PCDH10: variants seen among roughly 807,000 people sequenced by gnomAD.
PCDH10 encodes the protein protocadherin 10.
A neutral mutation model predicts 74.4 loss-of-function variants in PCDH10; 15 were observed. The observed-to-expected ratio is 0.20, with a 90% CI of 0.13 to 0.31. The LOEUF (loss-of-function observed/expected upper bound fraction) is 0.31, where lower values mean the gene tolerates loss of function less well. Among genes scored for constraint, PCDH10 ranks in the 10% least tolerant of loss-of-function variants. The pLI is 1.00. For missense variants in PCDH10, 1,260 were observed against 1,390.2 expected (o/e 0.91, Z 1.49); for synonymous variants, 619 against 589.8 (o/e 1.05, Z -0.72).
At position 133,151,502 on chromosome 4, in the gene PCDH10, G is replaced by C. The variant is rs753783129; in HGVS notation, c.1362G>C (p.Ser454=). The C allele has an allele frequency of 1.2e-6, 2 of 1,613,968 alleles. No homozygotes were observed. The highest frequency in any genetic ancestry group is 3.3e-5 in the Admixed American group (2 of 60,002). Residue 454 remains serine (S), a synonymous_variant, in exon 1 of 5, where the codon TCG becomes TCC. Transcript: ENST00000264360. ...STSKSIQVQV[S]DVNDNAPRFS... ...GTAAGTCGATCCAGGTACAAGTGTCGGATGTGAACGACAACGCGCCGCGTT... is the reference window on the plus strand; with the variant it reads ...GTAAGTCGATCCAGGTACAAGTGTCCGATGTGAACGACAACGCGCCGCGTT...
intron 4 of PCDH10, among the ~76,000 whole-genome samples, chr4:133,188,665 GTTTTTTTTTTTT>G (rs1167321577): frequency 1.3e-5 from 1 of 74,664 alleles, no homozygotes; most frequent in Non-Finnish European, 2.4e-5. Flanking sequence ...ACTGCTATGG[GTTTTTTTTTTTT>G]TTTTTTTTTT....
chr4:133,150,680 C>T lies in PCDH10; in HGVS notation c.540C>T (p.Phe180=), dbSNP rs1482690505. ...DVQTQGDGNR[F]AELVLEKPLD... is the part of the protein sequence containing the mutation. ...AGACCCAGGGGGATGGCAACCGATT[C>T]GCTGAGCTGGTGCTGGAGAAGCCAC... Residue 180 remains phenylalanine (F), a synonymous_variant, in exon 1 of 5, where the codon TTC becomes TTT. Transcript: ENST00000264360. 2.5e-6 allele frequency: 4 copies of T among 1,612,756 alleles called. No homozygotes were observed. The highest frequency in any genetic ancestry group is 4.5e-5 in the East Asian group (2 of 44,808).
chr4:133,199,391 G>A (rs893218438), downstream of PCDH10, among the ~76,000 whole-genome samples: 1 of 151,120 alleles, frequency 6.6e-6, no homozygotes, highest in Non-Finnish European at 1.5e-5. Flanking sequence ...GGGGTAGGAA[G>A]AGACTACTGT....
In PCDH10 at chr4:133,150,069, T is replaced by A; in HGVS notation, c.-72T>A. 6.9e-7 allele frequency: 1 copy of A among 1,438,960 alleles called. No homozygotes were observed. The allele number at this position is 1,438,960 out of a possible 1,614,324, so 89.1% of individuals were successfully genotyped here. A position where few individuals can be genotyped will look rare whatever the true frequency, so the allele number is the denominator to read the frequency against. On this transcript the variant is annotated 5_prime_UTR_variant, in exon 1 of 5. Coordinates refer to ENST00000264360, the MANE Select transcript of PCDH10 (RefSeq NM_032961.3). ...ATTTGTATTTTTTCAGATTTTTTTT[T>A]GTTTCGTGGTGGTGGGGGAGGTGAT...
chr4:133,150,214 A>C lies in PCDH10; in HGVS notation c.74A>C (p.Gln25Pro). 1 of 1,613,294 alleles carries C rather than the reference A, an allele frequency of 6.2e-7. No homozygotes were observed. Among genetic ancestry groups the C allele is most frequent in the Non-Finnish European group, 8.5e-7 (1 of 1,179,634 alleles). The change falls in exon 1 of 5, where the codon CAG becomes CCG. Residue 25 changes from glutamine to proline, a missense_variant. This residue lies in a region of PCDH10 where 103 missense variants were observed against 91.5 expected (regional missense o/e 1.13). Transcript: ENST00000264360. Reference protein sequence around the residue: ...GVFSQLHYTVQEEQEHGTFVG... With the variant: ...GVFSQLHYTVPEEQEHGTFVG... The stretch of plus-strand genomic sequence containing the variant: ...TTTTCCCAGCTTCACTACACGGTAC[A>C]GGAGGAGCAGGAACATGGCACTTTC...
At chr4:133,196,315 A>C (rs1287520986), downstream of PCDH10, among the ~76,000 whole-genome samples, 2 of 152,152 alleles carry the variant, frequency 1.3e-5, no homozygotes, top group East Asian at 3.9e-4. Flanking sequence ...CCAGTGAATC[A>C]GGAGTACTGA....
chr4:133,149,913 C>G lies in PCDH10; in HGVS notation c.-228C>G, dbSNP rs1009937249. 4.1e-5 allele frequency: 18 copies of G among 441,306 alleles called. No homozygotes were observed. The highest frequency in any genetic ancestry group is 2.8e-4 in the African/African-American group (14 of 49,480). 27.3% of individuals were successfully genotyped at this position (441,306 alleles called of 1,614,324 possible). A position where few individuals can be genotyped will look rare whatever the true frequency, so the allele number is the denominator to read the frequency against. On this transcript the variant is annotated 5_prime_UTR_variant, in exon 1 of 5. Coordinates refer to ENST00000264360, the MANE Select transcript of PCDH10 (RefSeq NM_032961.3). ...AAAGATTACAGATGAGGAAAGGGGA[C>G]GCCTGTCACCCTTCCTGTGCTAAGA...
At chr4:133,161,752 T>TA (rs1726975663) in intron 3 of PCDH10, among the ~76,000 whole-genome samples, 2 of 151,836 alleles carry the variant, frequency 1.3e-5, no homozygotes, top group South Asian at 4.1e-4. Context: ...AAATATTATT[T>TA]AAAAAATAAA....
Position 133,150,814 on chromosome 4 carries a change from C to T in PCDH10, c.674C>T (p.Pro225Leu), listed in dbSNP as rs766935744. The change falls in exon 1 of 5, where the codon CCC (proline) becomes CTC (leucine). Residue 225 changes from proline (P) to leucine (L), a missense_variant. By Grantham distance (98) the Pro-to-Leu change is moderately conservative. Coordinates refer to ENST00000264360, the MANE Select transcript of PCDH10 (RefSeq NM_032961.3). ...GGAGGTGGCGGGGGAGCAGGCCTGC[C>T]CCCCCAGCAGCAGCGCACCGGCACG... is the stretch of plus-strand genomic sequence containing the variant. ...GGGGGGGAGL[P>L]PQQQRTGTAL... The T allele has an allele frequency of 6.3e-6, 10 of 1,587,218 alleles. No homozygotes were observed. The African/African-American group carries it at 8.0e-5, about 13-fold the overall frequency.
chr4:133,199,321 ATAATAAT>A (rs1021613711), downstream of PCDH10, among the ~76,000 whole-genome samples: 3 of 147,534 alleles, frequency 2.0e-5, no homozygotes, highest in African/African-American at 4.9e-5. Flanking sequence ...AATAATAATA[ATAATAAT>A]TAATTAAATA....
chr4:133,200,911 A>T (rs1431270836), intron 2 of PCDH10, among the ~76,000 whole-genome samples: 1 of 152,190 alleles, frequency 6.6e-6, no homozygotes, highest in Non-Finnish European at 1.5e-5. Flanking sequence ...TAAAATTTCC[A>T]GTTCTTGCTA....
At chr4:133,186,327 C>T (rs1727541031) in intron 4 of PCDH10, among the ~76,000 whole-genome samples, 1 of 152,062 alleles carries the variant, frequency 6.6e-6, no homozygotes, top group African/African-American at 2.4e-5. Flanking sequence ...TAAGAAGGAA[C>T]ACAGTCCTTT....
At chr4:133,200,557 A>G (rs111793729) in intron 2 of PCDH10, among the ~76,000 whole-genome samples, 2,705 of 152,304 alleles carry the variant, frequency 0.018, 64 homozygotes, top group African/African-American at 0.056. Flanking sequence ...TTAAGTCTAT[A>G]TTCATCAACT....
intron 2 of PCDH10, among the ~76,000 whole-genome samples, chr4:133,200,631 A>G (rs1727886335): frequency 6.6e-6 from 1 of 152,184 alleles, no homozygotes; most frequent in South Asian, 2.1e-4. Context: ...CCACAGGATA[A>G]TAGAATGTTA....
rs1727752561 is a variant in PCDH10, at chr4:133,194,531, A to G, written c.*4371A>G. Reference sequence around the variant, plus strand: ...TACTGTGAATGCTATAATAATACATAAGTAAAATGAGTGTAAATGTAATAA... The same window carrying G: ...TACTGTGAATGCTATAATAATACATGAGTAAAATGAGTGTAAATGTAATAA... On this transcript the variant is annotated 3_prime_UTR_variant, in exon 5 of 5. Transcript: ENST00000264360. 1.3e-5 allele frequency: 2 copies of G among 152,036 alleles called. No individual in the cohort carries two copies. The highest frequency in any genetic ancestry group is 4.1e-4 in the South Asian group (2 of 4,826). 9.4% of individuals were successfully genotyped at this position (152,036 alleles called of 1,614,324 possible). A position where few individuals can be genotyped will look rare whatever the true frequency, so the allele number is the denominator to read the frequency against.
rs1441392477 is a variant in PCDH10, at chr4:133,192,404, G to T, written c.*2244G>T. The T allele has an allele frequency of 1.3e-5, 2 of 151,404 alleles. No individual in the cohort carries two copies. The highest frequency in any genetic ancestry group is 3.2e-3 in the Middle Eastern group (1 of 316). The allele number at this position is 151,404 out of a possible 1,614,324, so 9.4% of individuals were successfully genotyped here. ...CACGCATCATTTTGCAATCATGGGT[G>T]AATATCCACATCCATCTTCCTTACT... On this transcript the variant is annotated 3_prime_UTR_variant, in exon 5 of 5. Transcript: ENST00000264360.
At chr4:133,173,898 A>T (rs1727244511) in intron 4 of PCDH10, among the ~76,000 whole-genome samples, 2 of 151,876 alleles carry the variant, frequency 1.3e-5, no homozygotes, top group Admixed American at 1.3e-4. Flanking sequence ...AATACCATAG[A>T]TTGTGTGTAT....
rs772580991 is a variant in PCDH10, at chr4:133,150,104, G to C, written c.-37G>C. On this transcript the variant is annotated 5_prime_UTR_variant, in exon 1 of 5. Transcript: ENST00000264360. ...TGGTGGGGGAGGTGATTGGGTGGCT[G>C]ACTGGCTGCGGGAAGCTACTTCCTT... 3 of 1,469,582 alleles carry C rather than the reference G, an allele frequency of 2.0e-6. No individual in the cohort carries two copies. The highest frequency in any genetic ancestry group is 1.9e-4 in the Middle Eastern group (1 of 5,330). 91.0% of individuals were successfully genotyped at this position (1,469,582 alleles called of 1,614,324 possible).
At chr4:133,166,877 T>C (rs1455499477) in intron 4 of PCDH10, among the ~76,000 whole-genome samples, 2 of 151,534 alleles carry the variant, frequency 1.3e-5, no homozygotes, top group Non-Finnish European at 3.0e-5. Flanking sequence ...AAAATATTTC[T>C]TTGTCATACA....
Sources: allele counts gnomAD v4.1 joint callset (sites outside exome capture counted in the v4.1 genomes callset), GRCh38; gene constraint gnomAD v4.1.1; regional missense constraint gnomAD v4.1.1; transcripts MANE v1.5; gene names NCBI Gene and HGNC (gene_info 2026-07-23, HGNC 2026-07-21).